Variants in GSAP observed in about 807,000 individuals in gnomAD.
GSAP encodes gamma-secretase activating protein.
In GSAP, 118 loss-of-function variants were observed where a neutral mutation model predicts 131.7. That is an observed-to-expected ratio of 0.90 (90% CI 0.77 to 1.04). The LOEUF is 1.04. GSAP is among the 50% of genes least tolerant of loss of function. GSAP has a pLI of 0.00. For synonymous variants in GSAP, 381 were observed against 363.4 expected (o/e 1.05, Z -0.55); for missense variants, 1,019 against 1,013.2 (o/e 1.01, Z -0.08).
Position 77,387,378 on chromosome 7 carries a change from A to G in GSAP, c.438T>C (p.Asp146=). The change falls in exon 6 of 31, where the codon GAT becomes GAC. Residue 146 remains aspartate, a synonymous_variant. Transcript: ENST00000257626. The stretch of plus-strand genomic sequence containing the variant: ...TACTTACCTGAACCCAAATATAGCT[A>G]TCCACAGCCTTTAGAACCTTCACAT... ...VNNVKVLKAV[D]SYIWVQFLYP... 1.3e-6 allele frequency: 2 copies of G among 1,582,562 alleles called. No homozygotes were observed. The highest frequency in any genetic ancestry group is 1.7e-6 in the Non-Finnish European group (2 of 1,151,128).
intron 3 of GSAP, among the ~76,000 whole-genome samples, chr7:77,402,647 CA>C (rs1801565604): frequency 1.3e-5 from 1 of 79,818 alleles, no homozygotes; most frequent in South Asian, 4.2e-4. Flanking sequence ...ATTTGGTATA[CA>C]AATCCATTCC....
Position 77,395,751 on chromosome 7 carries a change from C to T in GSAP, c.367+1231G>A, listed in dbSNP as rs118127757. On this transcript the variant is annotated intron_variant, in intron 5 of 30. Coordinates refer to ENST00000257626, the MANE Select transcript of GSAP (RefSeq NM_017439.4). ...AGAAGCCTGGGAGTGCCTCACAAGC[C>T]TCATGTGGAAAGTAAGTACAAAGGG... is the stretch of plus-strand genomic sequence containing the variant. Among the ~76,000 whole-genome samples the T allele has an allele frequency of 5.3e-5, 8 of 152,216 alleles. No individual in the cohort carries two copies. The East Asian group carries it at 1.2e-3, about 22-fold the overall frequency.
At chr7:77,369,616 T>TA (rs1162452138) in intron 12 of GSAP, among the ~76,000 whole-genome samples, 9 of 152,228 alleles carry the variant, frequency 5.9e-5, no homozygotes, top group Non-Finnish European at 1.0e-4. Flanking sequence ...TAAGTTTGTA[T>TA]AAGGGCCTAA....
chr7:77,377,463 AATT>A, intron 8 of GSAP, 73 bp from the exon 9 acceptor site: 5 of 1,428,426 alleles, frequency 3.5e-6, no homozygotes, highest in Non-Finnish European at 4.6e-6. Context: ...TGGAATTCAT[AATT>A]ATTTTCCATG....
At chr7:77,369,978 A>C (rs1430108889) in intron 12 of GSAP, among the ~76,000 whole-genome samples, 1 of 152,152 alleles carries the variant, frequency 6.6e-6, no homozygotes. Context: ...CGAGAAGGGG[A>C]AAAACAGATT....
intron 5 of GSAP, among the ~76,000 whole-genome samples, chr7:77,395,211 C>T (rs1035236158): frequency 1.3e-5 from 2 of 152,116 alleles, no homozygotes; most frequent in South Asian, 4.1e-4. Flanking sequence ...AGTTTCCCAA[C>T]ACAATAAAGA....
intron 12 of GSAP, among the ~76,000 whole-genome samples, chr7:77,367,820 C>T (rs1320851151): frequency 6.6e-6 from 1 of 152,102 alleles, no homozygotes; most frequent in Non-Finnish European, 1.5e-5. Flanking sequence ...AGTTGTGAAT[C>T]CATCAGATCC....
chr7:77,355,364 A>G lies in GSAP; in HGVS notation c.1187T>C (p.Leu396Ser). Reference protein sequence around the residue: ...PLQSLSGSLVLDCCSGKLYRA... With the variant: ...PLQSLSGSLVSDCCSGKLYRA... ...ATAGAGCTTTCCAGAACAACAATCC[A>G]ATACCAGGGACCCTGACAATGACTG... Residue 396 changes from leucine to serine, a missense_variant, in exon 16 of 31, where the codon TTG becomes TCG. Coordinates refer to ENST00000257626, the MANE Select transcript of GSAP (RefSeq NM_017439.4). 1 of 1,613,480 alleles carries G rather than the reference A, an allele frequency of 6.2e-7. No homozygotes were observed. Among genetic ancestry groups the G allele is most frequent in the Non-Finnish European group, 8.5e-7 (1 of 1,179,538 alleles).
intron 1 of GSAP, among the ~76,000 whole-genome samples, chr7:77,406,307 A>C (rs1802260255): frequency 6.6e-6 from 1 of 152,238 alleles, no homozygotes; most frequent in Non-Finnish European, 1.5e-5. Context: ...AGTCATTGAG[A>C]GGTATCTCAA....
chr7:77,328,595 T>A lies in GSAP; in HGVS notation c.1765+11A>T. 1 of 1,611,100 alleles carries A rather than the reference T, an allele frequency of 6.2e-7. No homozygotes were observed. The highest frequency in any genetic ancestry group is 8.5e-7 in the Non-Finnish European group (1 of 1,179,052). On this transcript the variant is annotated intron_variant, in intron 22 of 30. Transcript: ENST00000257626. Reference sequence around the variant, plus strand: ...GGAACCCAGAAGGCTTTATTACAGATCTTTTCTTACCCAAATTTCTTGCTT... The same window carrying A: ...GGAACCCAGAAGGCTTTATTACAGAACTTTTCTTACCCAAATTTCTTGCTT...
At chr7:77,374,293 T>G (rs2150991659) in intron 11 of GSAP, 138 bp from the exon 12 acceptor site, 1 of 554,398 alleles carries the variant, frequency 1.8e-6, no homozygotes, top group East Asian at 3.1e-5. Flanking sequence ...TAACTTTTTT[T>G]GGTTAATAAA....
intron 6 of GSAP, among the ~76,000 whole-genome samples, chr7:77,384,541 T>G (rs1448788103): frequency 6.6e-6 from 1 of 152,058 alleles, no homozygotes; most frequent in Non-Finnish European, 1.5e-5. Context: ...GGAGCTAGAC[T>G]TAGAATGAAT....
intron 7 of GSAP, among the ~76,000 whole-genome samples, chr7:77,381,961 C>T (rs1318012812): frequency 1.3e-5 from 2 of 150,562 alleles, no homozygotes; most frequent in Non-Finnish European, 2.9e-5. Flanking sequence ...CAAAGCCTTA[C>T]CCCTCAAGCC....
intron 5 of GSAP, among the ~76,000 whole-genome samples, chr7:77,395,549 ACC>A (rs1461581274): frequency 6.6e-6 from 1 of 152,300 alleles, no homozygotes; most frequent in East Asian, 1.9e-4. Flanking sequence ...AGGACATGGC[ACC>A]AAAGACGGAA....
At chr7:77,412,665 G>A (rs895351946) in intron 1 of GSAP, among the ~76,000 whole-genome samples, 2 of 151,290 alleles carry the variant, frequency 1.3e-5, no homozygotes, top group Non-Finnish European at 1.5e-5. Flanking sequence ...ATAGGAAAGT[G>A]GACAAAAGGA....
At chr7:77,411,098 T>TAAAAAA (rs57255266) in intron 1 of GSAP, among the ~76,000 whole-genome samples, 1 of 108,836 alleles carries the variant, frequency 9.2e-6, no homozygotes, top group Non-Finnish European at 1.8e-5. Context: ...AAGAAAATAG[T>TAAAAAA]AAAAAAAAAA....
At chr7:77,347,873 C>T (rs1792140726) in intron 19 of GSAP, among the ~76,000 whole-genome samples, 2 of 151,932 alleles carry the variant, frequency 1.3e-5, no homozygotes, top group South Asian at 4.2e-4. Flanking sequence ...AAATTATGGT[C>T]CATCATGGTG....
At chr7:77,363,127 G>C (rs1473635541) in intron 12 of GSAP, among the ~76,000 whole-genome samples, 1 of 152,180 alleles carries the variant, frequency 6.6e-6, no homozygotes, top group Non-Finnish European at 1.5e-5. Flanking sequence ...TATCTTATGG[G>C]TCAGTGAAAA....
At chr7:77,325,502 A>AT (rs1476600394) in intron 23 of GSAP, among the ~76,000 whole-genome samples, 1 of 152,112 alleles carries the variant, frequency 6.6e-6, no homozygotes, top group Non-Finnish European at 1.5e-5. Flanking sequence ...TTTGATTCAT[A>AT]TTTTTTTGGT....
Sources: allele counts gnomAD v4.1 joint callset (sites outside exome capture counted in the v4.1 genomes callset), GRCh38; gene constraint gnomAD v4.1.1; transcripts MANE v1.5; gene names NCBI Gene and HGNC (gene_info 2026-07-23, HGNC 2026-07-21).